JAK1: variants seen among roughly 807,000 people sequenced by gnomAD.
The protein encoded by JAK1 is Janus kinase 1.
JAK1 carries 16 observed loss-of-function variants against 136.6 expected under a neutral mutation model. That is an observed-to-expected ratio of 0.12 (90% CI 0.08 to 0.18). The LOEUF (loss-of-function observed/expected upper bound fraction) is 0.18, where lower values mean the gene tolerates loss of function less well. JAK1 is among the 10% of genes least tolerant of loss of function. The probability of loss-of-function intolerance (pLI) is 1.00; values close to 1 mark genes in which losing one functional copy is unlikely to be tolerated. For synonymous variants in JAK1, 492 were observed against 519.5 expected (o/e 0.95, Z 0.72); for missense variants, 859 against 1,450.1 (o/e 0.59, Z 6.62).
At position 64,834,606 on chromosome 1, in the gene JAK1, T is replaced by C. The variant is rs1163638844; in HGVS notation, c.3421A>G (p.Ser1141Gly). ...AATCCTTCAATAAGGTTCTGAAAGCTTGTCCGATTGGATGGTTGGAATTCC... is the reference window on the plus strand; with the variant it reads ...AATCCTTCAATAAGGTTCTGAAAGCCTGTCCGATTGGATGGTTGGAATTCC... Reference protein sequence around the residue: ...CWEFQPSNRTSFQNLIEGFEA... With the variant: ...CWEFQPSNRTGFQNLIEGFEA... Residue 1141 changes from serine (S) to glycine (G), a missense_variant, in exon 25 of 25, where the codon AGC becomes GGC. This residue lies in a region of JAK1 where 53 missense variants were observed against 64.8 expected (regional missense o/e 0.82). Transcript: ENST00000342505. The C allele has an allele frequency of 6.2e-7, 1 of 1,612,928 alleles. No individual in the cohort carries two copies. The highest frequency in any genetic ancestry group is 8.5e-7 in the Non-Finnish European group (1 of 1,179,090).
Position 64,839,641 on chromosome 1 carries a change from T to G in JAK1, c.2804A>C (p.Glu935Ala), listed in dbSNP as rs1233781229. Residue 935 changes from glutamate (E) to alanine (A), a missense_variant, in exon 20 of 25, where the codon GAG becomes GCG. Physicochemically the swap from Glu to Ala is moderately radical, Grantham distance 107. Coordinates refer to ENST00000342505, the MANE Select transcript of JAK1 (RefSeq NM_002227.4). ...GATTCCTTTGTACTTCACAATGTTC[T>G]CATGATAGAGGTTCCTTAAGATCTC... is the stretch of plus-strand genomic sequence containing the variant. ...EIEILRNLYH[E>A]NIVKYKGICT... 1 of 1,614,126 alleles carries G rather than the reference T, an allele frequency of 6.2e-7. No individual in the cohort carries two copies. The highest frequency in any genetic ancestry group is 8.5e-7 in the Non-Finnish European group (1 of 1,180,034).
At chr1:64,845,817 C>T (rs1460280216) in intron 14 of JAK1, among the ~76,000 whole-genome samples, 177 bp from the exon 15 acceptor site, 1 of 152,200 alleles carries the variant, frequency 6.6e-6, no homozygotes. Context: ...CAACCCCAAG[C>T]TCTTCTTCTA....
At chr1:64,939,352 A>G (rs1199050210) in intron 1 of JAK1, among the ~76,000 whole-genome samples, 1 of 152,210 alleles carries the variant, frequency 6.6e-6, no homozygotes, top group Non-Finnish European at 1.5e-5. Flanking sequence ...ATAACACAGG[A>G]CAAGGAAAGA....
intron 1 of JAK1, among the ~76,000 whole-genome samples, chr1:64,947,458 T>C (rs1054961536): frequency 3.9e-5 from 6 of 152,172 alleles, no homozygotes; most frequent in South Asian, 4.1e-4. Context: ...AACTGTTCTC[T>C]ATTCAAATCA....
At chr1:64,835,544 C>A in intron 23 of JAK1, 38 bp from the exon 24 acceptor site, 1 of 1,195,316 alleles carries the variant, frequency 8.4e-7, no homozygotes, top group Admixed American at 2.1e-5. Context: ...TTTAACTTTG[C>A]AAGTATTTAC....
chr1:64,845,634 A>G lies in JAK1; in HGVS notation c.1994T>C (p.Met665Thr). The change falls in exon 15 of 25, where the codon ATG (methionine) becomes ACG (threonine). Residue 665 changes from methionine to threonine, a missense_variant. Met to Thr is a moderately conservative substitution (Grantham distance 81). Transcript: ENST00000342505. ...GVCVRDVENIMVEEFVEGGPL... is the reference protein window; with the variant it reads ...GVCVRDVENITVEEFVEGGPL... ...ACCCCCTTCCACAAACTCTTCCACCATGATATCTGTAGGCATAAAAATAGC... is the reference window on the plus strand; with the variant it reads ...ACCCCCTTCCACAAACTCTTCCACCGTGATATCTGTAGGCATAAAAATAGC... The G allele has an allele frequency of 1.2e-6, 2 of 1,614,202 alleles. No individual in the cohort carries two copies. Among genetic ancestry groups the G allele is most frequent in the East Asian group, 2.2e-5 (1 of 44,876 alleles).
intron 2 of JAK1, among the ~76,000 whole-genome samples, chr1:65,020,482 C>T (rs1646929412): frequency 6.6e-6 from 1 of 152,142 alleles, no homozygotes; most frequent in African/African-American, 2.4e-5. Flanking sequence ...ATTCACTGTG[C>T]TTCTGGGGAG....
Position 64,844,750 on chromosome 1 carries a change from A to G in JAK1, c.2251+4T>C, listed in dbSNP as rs775618874. 5 of 1,613,910 alleles carry G rather than the reference A, an allele frequency of 3.1e-6. No homozygotes were observed. In the Admixed American group the frequency reaches 8.3e-5, roughly 27 times the overall value. On this transcript the variant is annotated splice_donor_region_variant and intron_variant, in intron 16 of 24. Transcript: ENST00000342505. The surrounding 1 kb of genome is among the most constrained non-coding windows in gnomAD (Gnocchi z 5.7). The stretch of plus-strand genomic sequence containing the variant: ...GGGCCAGAGGGAAGAGAGGGGAGAC[A>G]CACCTTGCCTAGACAGCACCGTAAT...
intron 1 of JAK1, among the ~76,000 whole-genome samples, chr1:64,928,780 A>AAAAAAAAC (rs1645628448): frequency 2.2e-5 from 2 of 92,550 alleles, no homozygotes; most frequent in South Asian, 3.6e-4. Context: ...AAACTCTGCA[A>AAAAAAAAC]AAAAAAAAAA....
intron 1 of JAK1, chr1:64,942,453 T>A (rs1027614904): frequency 9.9e-5 from 15 of 152,230 alleles, no homozygotes; most frequent in Admixed American, 6.5e-4. Context: ...TGTTTTTATA[T>A]CGCAGACTTG....
intron 2 of JAK1, among the ~76,000 whole-genome samples, chr1:65,007,766 T>A (rs1349440083): frequency 1.3e-5 from 2 of 150,182 alleles, no homozygotes; most frequent in African/African-American, 4.9e-5. Flanking sequence ...TTCTTTCTGA[T>A]ACAGCGTTTT....
intron 2 of JAK1, among the ~76,000 whole-genome samples, chr1:64,994,131 G>A (rs149197751): frequency 6.6e-6 from 1 of 152,158 alleles, no homozygotes; most frequent in Non-Finnish European, 1.5e-5. Flanking sequence ...TGTAGAGACA[G>A]GTTTTGGCCA....
At chr1:64,964,172 A>C (rs1202517420) in intron 1 of JAK1, among the ~76,000 whole-genome samples, 1 of 152,226 alleles carries the variant, frequency 6.6e-6, no homozygotes, top group Non-Finnish European at 1.5e-5. Flanking sequence ...TAATGGTTTT[A>C]AATGTGAAAA....
At chr1:64,930,321 A>T (rs1645666087) in intron 1 of JAK1, among the ~76,000 whole-genome samples, 1 of 152,198 alleles carries the variant, frequency 6.6e-6, no homozygotes, top group Admixed American at 6.5e-5. Context: ...AAACAACCCC[A>T]TCAAACAGCG....
At chr1:65,008,355 G>A (rs537950352) in intron 2 of JAK1, among the ~76,000 whole-genome samples, 4 of 152,214 alleles carry the variant, frequency 2.6e-5, no homozygotes, top group African/African-American at 7.2e-5. Context: ...AAAGTACTAA[G>A]AGATTAAATT....
chr1:64,899,862 GA>G (rs1645078118), intron 1 of JAK1, among the ~76,000 whole-genome samples: 1 of 152,102 alleles, frequency 6.6e-6, no homozygotes, highest in Non-Finnish European at 1.5e-5. Flanking sequence ...AAATCAAATT[GA>G]AAAACAGCAT....
At chr1:65,028,521 T>C (rs936384514) in intron 2 of JAK1, among the ~76,000 whole-genome samples, 27 of 151,020 alleles carry the variant, frequency 1.8e-4, no homozygotes, top group Non-Finnish European at 2.5e-4. Flanking sequence ...GGGACTGGTA[T>C]AACCACACAA....
At chr1:64,914,160 G>C (rs1645351160) in intron 1 of JAK1, among the ~76,000 whole-genome samples, 1 of 152,170 alleles carries the variant, frequency 6.6e-6, no homozygotes. Flanking sequence ...CAGCAGTTTG[G>C]AAGCAACTGC....
intron 2 of JAK1, among the ~76,000 whole-genome samples, chr1:65,013,785 G>A (rs898502937): frequency 6.6e-6 from 1 of 152,104 alleles, no homozygotes; most frequent in Admixed American, 6.6e-5. Context: ...TACATAATAA[G>A]CATCACGTAT....
Sources: gnomAD v4.1 joint callset for allele counts (sites outside exome capture counted in the v4.1 genomes callset) on GRCh38, gnomAD v4.1.1 for gene constraint, gnomAD v4.1.1 regional missense constraint, Gnocchi (gnomAD v3.1) non-coding constraint, MANE v1.5 for transcripts, NCBI Gene and HGNC (gene_info 2026-07-23, HGNC 2026-07-21) for gene names.